The following TSHZ2 variants were observed in gnomAD, a reference collection of about 807,000 sequenced individuals.
The protein encoded by TSHZ2 is teashirt zinc finger homeobox 2, also known as teashirt homolog 2.
TSHZ2 carries 21 observed loss-of-function variants against 74.4 expected under a neutral mutation model. That is an observed-to-expected ratio of 0.28 (90% CI 0.20 to 0.41). The LOEUF is 0.41. TSHZ2 is among the 10% of genes least tolerant of loss of function. TSHZ2 has a pLI of 1.00. For synonymous variants in TSHZ2, 540 were observed against 515.3 expected (o/e 1.05, Z -0.65); for missense variants, 1,244 against 1,293.5 (o/e 0.96, Z 0.59).
intron 2 of TSHZ2, among the ~76,000 whole-genome samples, chr20:53,441,109 T>C (rs975564031): frequency 2.0e-4 from 30 of 152,192 alleles, no homozygotes; most frequent in Admixed American, 5.2e-4. Context: ...GAGACCTGAG[T>C]GGTGAGAAGC....
At chr20:53,324,321 T>C (rs1979406724) in intron 2 of TSHZ2, among the ~76,000 whole-genome samples, 1 of 152,052 alleles carries the variant, frequency 6.6e-6, no homozygotes, top group African/African-American at 2.4e-5. Context: ...AAGCCCTAGG[T>C]AGGATGAGGG....
chr20:53,026,540 A>AT (rs1461725333), intron 1 of TSHZ2, among the ~76,000 whole-genome samples: 4 of 151,076 alleles, frequency 2.6e-5, no homozygotes, highest in African/African-American at 4.9e-5. Flanking sequence ...CTTTAAAAAA[A>AT]TTTTTTTCTA....
intron 2 of TSHZ2, among the ~76,000 whole-genome samples, chr20:53,423,866 T>C (rs1983567760): frequency 6.6e-6 from 1 of 152,162 alleles, no homozygotes; most frequent in African/African-American, 2.4e-5. Context: ...CGGGGGATAT[T>C]TGCAAGGTCT....
At chr20:53,344,213 CAT>C (rs1431106805) in intron 2 of TSHZ2, among the ~76,000 whole-genome samples, 10 of 4,106 alleles carry the variant, frequency 2.4e-3, no homozygotes, top group African/African-American at 0.019. Context: ...TCCTCCTCCT[CAT>C]CATCATCATC....
Position 53,489,566 on chromosome 20 carries a change from C to A in TSHZ2, c.*2431C>A, listed in dbSNP as rs1300005983. The A allele has an allele frequency of 1.2e-5, 2 of 163,726 alleles. No homozygotes were observed. Among genetic ancestry groups the A allele is most frequent in the Non-Finnish European group, 1.3e-5 (1 of 74,992 alleles). The allele number at this position is 163,726 out of a possible 1,614,324, so 10.1% of individuals were successfully genotyped here. A position where few individuals can be genotyped will look rare whatever the true frequency, so the allele number is the denominator to read the frequency against. On this transcript the variant is annotated 3_prime_UTR_variant, in exon 3 of 3. Coordinates refer to ENST00000371497, the MANE Select transcript of TSHZ2 (RefSeq NM_173485.6). Reference sequence around the variant, plus strand: ...ATGGGGGGAGGAGATCAATACAATTCCCAATTCCATGGAAATTGTTTCCCT... The same window carrying A: ...ATGGGGGGAGGAGATCAATACAATTACCAATTCCATGGAAATTGTTTCCCT...
chr20:53,431,246 C>A (rs927189523), intron 2 of TSHZ2, among the ~76,000 whole-genome samples: 2 of 151,884 alleles, frequency 1.3e-5, no homozygotes, highest in African/African-American at 4.8e-5. Flanking sequence ...CACTTGAGGT[C>A]AGGAGTCCTA....
At chr20:53,417,174 G>C (rs1364144461) in intron 2 of TSHZ2, among the ~76,000 whole-genome samples, 1 of 149,606 alleles carries the variant, frequency 6.7e-6, no homozygotes, top group African/African-American at 2.5e-5. Context: ...AGAAACTGTA[G>C]GTAAGAACTA....
chr20:53,267,367 G>A (rs1280790309), intron 2 of TSHZ2, among the ~76,000 whole-genome samples: 2 of 152,220 alleles, frequency 1.3e-5, no homozygotes, highest in African/African-American at 4.8e-5. Context: ...GGGAGAGCAT[G>A]GATGGTGTGA....
rs1270459103 is a variant in TSHZ2, at chr20:53,074,470, TC to T, written c.40+101139del. On this transcript the variant is annotated intron_variant, in intron 1 of 2. Transcript: ENST00000371497. This position sits in a 1 kb window ranked among gnomAD's most constrained non-coding sequence, Gnocchi z 5.9. ...ATGGATGCAGTACGAAGTGTAGAAA[TC>T]CAACAAATGTGTAAAAGGTAAAGGC... Among the ~76,000 whole-genome samples, 3 of 152,126 alleles carry T rather than the reference TC, an allele frequency of 2.0e-5. No individual in the cohort carries two copies. Among genetic ancestry groups the T allele is most frequent in the African/African-American group, 7.2e-5 (3 of 41,420 alleles).
chr20:53,479,645 T>C (rs1328830867), intron 2 of TSHZ2, among the ~76,000 whole-genome samples: 2 of 152,268 alleles, frequency 1.3e-5, no homozygotes, highest in East Asian at 1.9e-4. Context: ...GAAAAGACTT[T>C]GTGTTTATAT....
intron 1 of TSHZ2, among the ~76,000 whole-genome samples, chr20:53,250,012 T>C (rs771342090): frequency 3.3e-5 from 5 of 152,202 alleles, no homozygotes; most frequent in Non-Finnish European, 7.3e-5. Context: ...AAATGGTCTC[T>C]TGAGTCAGTA....
At chr20:53,155,931 A>T in intron 1 of TSHZ2, among the ~76,000 whole-genome samples, 1 of 152,180 alleles carries the variant, frequency 6.6e-6, no homozygotes, top group East Asian at 1.9e-4. Context: ...AATATTTTTT[A>T]AAACTTTAAT....
intron 2 of TSHZ2, among the ~76,000 whole-genome samples, chr20:53,366,609 T>C (rs752507785): frequency 7.9e-5 from 12 of 152,180 alleles, no homozygotes; most frequent in Non-Finnish European, 1.8e-4. Context: ...GGCTTTCCCT[T>C]GTAAGGCTGC....
At chr20:53,232,872 C>CAA (rs1353945783) in intron 1 of TSHZ2, among the ~76,000 whole-genome samples, 1 of 152,122 alleles carries the variant, frequency 6.6e-6, no homozygotes, top group African/African-American at 2.4e-5. Flanking sequence ...GGCCATTCAG[C>CAA]AAGCTGCACT....
At chr20:53,479,660 A>C (rs1160863327) in intron 2 of TSHZ2, among the ~76,000 whole-genome samples, 1 of 152,240 alleles carries the variant, frequency 6.6e-6, no homozygotes, top group Non-Finnish European at 1.5e-5. Flanking sequence ...TTATATGTAA[A>C]ACAGAGTTAA....
chr20:53,481,349 A>T (rs982125589), intron 2 of TSHZ2, among the ~76,000 whole-genome samples: 6 of 152,114 alleles, frequency 3.9e-5, no homozygotes, highest in Non-Finnish European at 7.3e-5. Context: ...AGGCAATAGG[A>T]TTGCTTGAGT....
At chr20:53,079,141 A>G (rs1985453256) in intron 1 of TSHZ2, among the ~76,000 whole-genome samples, 1 of 152,178 alleles carries the variant, frequency 6.6e-6, no homozygotes, top group Non-Finnish European at 1.5e-5. Flanking sequence ...ATAGGAAGTA[A>G]TAGAGAAGAG....
At chr20:53,331,702 C>A (rs11697865) in intron 2 of TSHZ2, among the ~76,000 whole-genome samples, 2 of 150,308 alleles carry the variant, frequency 1.3e-5, no homozygotes, top group African/African-American at 2.5e-5. Flanking sequence ...TAGTCAGAGT[C>A]CCCTAAGGAG....
At chr20:53,270,145 G>T (rs1030757818) in intron 2 of TSHZ2, among the ~76,000 whole-genome samples, 1 of 151,918 alleles carries the variant, frequency 6.6e-6, no homozygotes, top group South Asian at 2.1e-4. Context: ...CCCACGCCTG[G>T]CTTCTGCTTG....
Sources: gnomAD v4.1 joint callset for allele counts (sites outside exome capture counted in the v4.1 genomes callset) on GRCh38, gnomAD v4.1.1 for gene constraint, Gnocchi (gnomAD v3.1) non-coding constraint, MANE v1.5 for transcripts, NCBI Gene and HGNC (gene_info 2026-07-23, HGNC 2026-07-21) for gene names.